Variants in PRKN observed in about 807,000 individuals in gnomAD.
PRKN encodes the protein E3 ubiquitin-protein ligase parkin.
A neutral mutation model predicts 59.5 loss-of-function variants in PRKN; 56 were observed. The observed-to-expected ratio is 0.94, with a 90% CI of 0.76 to 1.18. The LOEUF (loss-of-function observed/expected upper bound fraction) is 1.18, where lower values mean the gene tolerates loss of function less well. Ranked by LOEUF, PRKN falls within the 50% of genes most tolerant of loss-of-function variation. The pLI is 0.00. For missense variants in PRKN, 657 were observed against 596.4 expected (o/e 1.10, Z -1.06); for synonymous variants, 250 against 222.1 (o/e 1.13, Z -1.12).
intron 7 of PRKN, among the ~76,000 whole-genome samples, chr6:161,708,408 G>T (rs1247190870): frequency 6.7e-6 from 1 of 149,218 alleles, no homozygotes; most frequent in East Asian, 2.0e-4. Flanking sequence ...TTTTACCACT[G>T]CCCCAATTAC....
At chr6:162,239,088 C>T (rs1045099907) in intron 3 of PRKN, among the ~76,000 whole-genome samples, 4 of 152,246 alleles carry the variant, frequency 2.6e-5, no homozygotes, top group Admixed American at 2.6e-4. Flanking sequence ...GAGGGAAATG[C>T]TTAAATGTAA....
chr6:161,922,678 T>C lies in PRKN; in HGVS notation c.734+50624A>G, dbSNP rs113001374. Among the ~76,000 whole-genome samples, 296 of 152,256 alleles carry C rather than the reference T, an allele frequency of 1.9e-3. 1 individual carries two copies. The highest frequency in any genetic ancestry group is 6.9e-3 in the African/African-American group (288 of 41,552). On this transcript the variant is annotated intron_variant, in intron 6 of 11. Transcript: ENST00000366898. ...GTTGCCATTAAAAAGTTCCAAAGTA[T>C]GCATTACTCATGTTTGGATACCATG...
chr6:161,759,190 A>C (rs986256404), intron 7 of PRKN, among the ~76,000 whole-genome samples: 1 of 150,808 alleles, frequency 6.6e-6, no homozygotes, highest in Non-Finnish European at 1.5e-5. Context: ...AAAAAAACAA[A>C]ATTAAAACAA....
chr6:161,927,042 G>C (rs1046031857), intron 6 of PRKN, among the ~76,000 whole-genome samples: 8 of 152,050 alleles, frequency 5.3e-5, no homozygotes, highest in Non-Finnish European at 8.8e-5. Context: ...CTGGTGGGCA[G>C]AAAATTACAG....
chr6:162,392,021 T>C (rs1002477989), intron 2 of PRKN, among the ~76,000 whole-genome samples: 4 of 136,870 alleles, frequency 2.9e-5, no homozygotes, highest in Non-Finnish European at 6.1e-5. Context: ...CTTTTCTTAG[T>C]ACTGCCATTT....
Position 162,319,712 on chromosome 6 carries a change from T to C in PRKN, c.172-56947A>G, listed in dbSNP as rs77397400. ...TTTAGCATCCAATTCCAATCACTAA[T>C]ATACTAACATTTGCCTAATATAAAT... On this transcript the variant is annotated intron_variant, in intron 2 of 11. Coordinates refer to ENST00000366898, the MANE Select transcript of PRKN (RefSeq NM_004562.3). Among the ~76,000 whole-genome samples the C allele has an allele frequency of 5.1e-3, 783 of 152,068 alleles. 9 individuals are homozygous for C. The highest frequency in any genetic ancestry group is 0.018 in the African/African-American group (747 of 41,536).
At chr6:162,522,885 C>A (rs185143458) in intron 1 of PRKN, among the ~76,000 whole-genome samples, 164 of 152,260 alleles carry the variant, frequency 1.1e-3, no homozygotes, top group African/African-American at 3.3e-3. Flanking sequence ...GACCATAGAG[C>A]CTTGAAAAAT....
intron 9 of PRKN, among the ~76,000 whole-genome samples, chr6:161,465,652 T>C (rs1256595358): frequency 6.6e-6 from 1 of 152,214 alleles, no homozygotes; most frequent in East Asian, 1.9e-4. Flanking sequence ...TCTCCTTATC[T>C]TGTGTTTTCA....
Position 161,347,949 on chromosome 6 carries a change from T to C in PRKN, c.*2150A>G, listed in dbSNP as rs1784398452. The C allele has an allele frequency of 5.8e-6, 1 of 172,170 alleles. No homozygotes were observed. The highest frequency in any genetic ancestry group is 2.0e-4 in the South Asian group (1 of 4,930). The allele number at this position is 172,170 out of a possible 1,614,324, so 10.7% of individuals were successfully genotyped here. On this transcript the variant is annotated 3_prime_UTR_variant, in exon 12 of 12. Transcript: ENST00000366898. ...CTTATTTTAAGAATCACTGTTCTAT[T>C]CTGGAAAGGGAAAAGACCACCACCA...
At chr6:162,580,600 G>A (rs1780753572) in intron 1 of PRKN, among the ~76,000 whole-genome samples, 1 of 151,850 alleles carries the variant, frequency 6.6e-6, no homozygotes, top group African/African-American at 2.4e-5. Context: ...ATGCCCCCCA[G>A]CAAGTGTCAG....
intron 1 of PRKN, among the ~76,000 whole-genome samples, chr6:162,483,317 T>C (rs1792388603): frequency 6.6e-6 from 1 of 152,154 alleles, no homozygotes; most frequent in South Asian, 2.1e-4. Flanking sequence ...TTGCGATTGT[T>C]TTGTGTCTTA....
At chr6:162,137,485 T>C (rs942658695) in intron 4 of PRKN, among the ~76,000 whole-genome samples, 2 of 152,160 alleles carry the variant, frequency 1.3e-5, no homozygotes, top group Non-Finnish European at 2.9e-5. Flanking sequence ...GCTAGAAAAA[T>C]AGAGAAACAA....
chr6:161,874,373 T>A (rs189567236), intron 6 of PRKN, among the ~76,000 whole-genome samples: 21 of 81,960 alleles, frequency 2.6e-4, no homozygotes, highest in Non-Finnish European at 4.0e-4. Flanking sequence ...TGTAAAATAT[T>A]ATATATAAAA....
rs554100469 is a variant in PRKN at position 161,460,472 on chromosome 6, C to A, written c.1084-73595G>T. On this transcript the variant is annotated intron_variant, in intron 9 of 11. Coordinates refer to ENST00000366898, the MANE Select transcript of PRKN (RefSeq NM_004562.3). This position sits in a 1 kb window ranked among gnomAD's most constrained non-coding sequence, Gnocchi z 5.0. ...GGACACAGGACAAGAAGCAGCATAT[C>A]AGCAGGAAGGGCCAGGGGACACTTC... is the stretch of plus-strand genomic sequence containing the variant. Among the ~76,000 whole-genome samples the A allele has an allele frequency of 6.6e-6, 1 of 152,256 alleles. No homozygotes were observed. Among genetic ancestry groups the A allele is most frequent in the Non-Finnish European group, 1.5e-5 (1 of 68,030 alleles).
At chr6:162,399,062 C>T (rs1787629692) in intron 2 of PRKN, among the ~76,000 whole-genome samples, 1 of 152,142 alleles carries the variant, frequency 6.6e-6, no homozygotes, top group African/African-American at 2.4e-5. Context: ...CCTAGGGAAA[C>T]TTCCATCAAC....
chr6:161,710,373 C>G (rs983036432), intron 7 of PRKN, among the ~76,000 whole-genome samples: 1 of 152,098 alleles, frequency 6.6e-6, no homozygotes, highest in Admixed American at 6.6e-5. Context: ...GTTGAAAATA[C>G]CATTTGTGAC....
intron 1 of PRKN, among the ~76,000 whole-genome samples, chr6:162,455,024 A>G (rs956875461): frequency 2.6e-5 from 4 of 152,236 alleles, no homozygotes; most frequent in African/African-American, 9.6e-5. Context: ...ACAGATACAC[A>G]GTAAAGAGGG....
intron 4 of PRKN, among the ~76,000 whole-genome samples, chr6:162,080,574 G>C (rs182009453): frequency 1.1e-4 from 16 of 152,146 alleles, no homozygotes; most frequent in African/African-American, 3.9e-4. Context: ...AACGAGAATG[G>C]ACATGTCTTA....
At chr6:162,576,290 C>G (rs571359764) in intron 1 of PRKN, among the ~76,000 whole-genome samples, 1 of 152,254 alleles carries the variant, frequency 6.6e-6, no homozygotes, top group Non-Finnish European at 1.5e-5. Context: ...GACAGTTAGA[C>G]ACAATTATTA....
Sources: gnomAD v4.1 joint callset for allele counts (sites outside exome capture counted in the v4.1 genomes callset) on GRCh38, gnomAD v4.1.1 for gene constraint, Gnocchi (gnomAD v3.1) non-coding constraint, MANE v1.5 for transcripts, NCBI Gene and HGNC (gene_info 2026-07-23, HGNC 2026-07-21) for gene names.